FAM240A: variants seen among roughly 807,000 people sequenced by gnomAD.
FAM240A encodes family with sequence similarity 240 member A, also known as protein FAM240A.
In FAM240A, 8 loss-of-function variants were observed where a neutral mutation model predicts 7.3. That is an observed-to-expected ratio of 1.09 (90% CI 0.64 to 1.97). The LOEUF is 1.97. FAM240A is among the 30% of genes most tolerant of loss of function. The pLI, the probability that FAM240A is intolerant of heterozygous loss-of-function variation, is 0.00. For synonymous variants in FAM240A, 32 were observed against 35.9 expected (o/e 0.89, Z 0.38); for missense variants, 90 against 102.2 (o/e 0.88, Z 0.52).
At chr3:46,624,264 ATTTTTTTTTTTTTTTT>A (rs59290700) in intron 2 of FAM240A, among the ~76,000 whole-genome samples, 1 of 96,494 alleles carries the variant, frequency 1.0e-5, no homozygotes, top group African/African-American at 4.4e-5. Context: ...ACGGTGGGCT[ATTTTTTTTTTTTTTTT>A]TTTTTTTTTG....
At chr3:46,623,209 T>C (rs572728735) in intron 2 of FAM240A, among the ~76,000 whole-genome samples, 47 of 152,172 alleles carry the variant, frequency 3.1e-4, no homozygotes, top group Non-Finnish European at 4.1e-4. Context: ...TTCAAAATGT[T>C]TAGGGGACTT....
intron 2 of FAM240A, among the ~76,000 whole-genome samples, chr3:46,618,059 G>A (rs114054284): frequency 6.6e-6 from 1 of 152,166 alleles, no homozygotes; most frequent in African/African-American, 2.4e-5. Context: ...TCAGCCAGCT[G>A]TCTGACGAGG....
intron 2 of FAM240A, among the ~76,000 whole-genome samples, chr3:46,618,813 C>T (rs1314386990): frequency 6.6e-6 from 1 of 150,796 alleles, no homozygotes; most frequent in Admixed American, 6.6e-5. Context: ...GCACTCCAGC[C>T]TGGGTGACAA....
At chr3:46,615,546 C>T (rs887370142) in intron 1 of FAM240A, among the ~76,000 whole-genome samples, 1 of 152,172 alleles carries the variant, frequency 6.6e-6, no homozygotes, top group Admixed American at 6.5e-5. Context: ...CAGTCTCTGC[C>T]CCCAGAACAT....
intron 1 of FAM240A, among the ~76,000 whole-genome samples, chr3:46,613,009 C>A (rs918905582): frequency 7.9e-5 from 12 of 152,186 alleles, no homozygotes; most frequent in Non-Finnish European, 1.5e-4. Context: ...ATGGGCTAAA[C>A]CCTAATGACA....
chr3:46,616,275 G>A (rs1697628118), intron 1 of FAM240A, among the ~76,000 whole-genome samples: 1 of 152,240 alleles, frequency 6.6e-6, no homozygotes, highest in African/African-American at 2.4e-5. Context: ...CATGTCAACA[G>A]CAGGGTCAGG....
At chr3:46,624,486 G>T (rs1199282045) in intron 2 of FAM240A, among the ~76,000 whole-genome samples, 2 of 151,854 alleles carry the variant, frequency 1.3e-5, no homozygotes, top group Non-Finnish European at 2.9e-5. Context: ...TGGCCAGGCT[G>T]GTCTCGAACT....
chr3:46,624,939 T>TATAA (rs1051477416), intron 2 of FAM240A, among the ~76,000 whole-genome samples, 189 bp from the exon 3 acceptor site: 3 of 142,178 alleles, frequency 2.1e-5, no homozygotes, highest in African/African-American at 7.9e-5. Context: ...CTCTTACTTA[T>TATAA]ATAAATAAAT....
chr3:46,624,209 C>T (rs1251756702), intron 2 of FAM240A, among the ~76,000 whole-genome samples: 1 of 150,678 alleles, frequency 6.6e-6, no homozygotes, highest in Non-Finnish European at 1.5e-5. Flanking sequence ...TTTACTTCTA[C>T]ATATGCTATA....
intron 1 of FAM240A, 40 bp downstream of exon 1, chr3:46,612,738 T>G (rs1294342161): frequency 6.7e-7 from 1 of 1,483,726 alleles, no homozygotes. Context: ...GAAGTAAAAT[T>G]CCTAATGGTT....
chr3:46,618,034 C>G (rs1697650550), intron 2 of FAM240A, among the ~76,000 whole-genome samples: 2 of 152,186 alleles, frequency 1.3e-5, no homozygotes, highest in Admixed American at 1.3e-4. Context: ...GCTCTGTCCC[C>G]TCAAAAGGAA....
chr3:46,615,740 A>G (rs1265946183), intron 1 of FAM240A, among the ~76,000 whole-genome samples: 3 of 152,152 alleles, frequency 2.0e-5, no homozygotes, highest in African/African-American at 4.8e-5. Flanking sequence ...GCTTTCTACT[A>G]TATCCACTCA....
intron 2 of FAM240A, among the ~76,000 whole-genome samples, chr3:46,620,912 ATATTT>A (rs1697686687): frequency 6.6e-6 from 1 of 152,182 alleles, no homozygotes; most frequent in African/African-American, 2.4e-5. Flanking sequence ...AGGAGTTATT[ATATTT>A]AAGGACAAAA....
intron 2 of FAM240A, among the ~76,000 whole-genome samples, chr3:46,620,215 G>C (rs1195370781): frequency 6.6e-6 from 1 of 151,304 alleles, no homozygotes. Flanking sequence ...GGCTAAGTCT[G>C]CCTATTTCTT....
At chr3:46,615,274 G>A (rs1039337915) in intron 1 of FAM240A, among the ~76,000 whole-genome samples, 5 of 151,956 alleles carry the variant, frequency 3.3e-5, no homozygotes, top group Non-Finnish European at 7.4e-5. Flanking sequence ...CCTGGGGGTC[G>A]GCACCCAGAA....
intron 2 of FAM240A, 67 bp from the exon 3 acceptor site, chr3:46,625,061 A>G: frequency 8.3e-7 from 1 of 1,207,038 alleles, no homozygotes; most frequent in Non-Finnish European, 1.2e-6. Context: ...GGACAGGAAG[A>G]AAGCTCTCCT....
intron 2 of FAM240A, among the ~76,000 whole-genome samples, chr3:46,621,578 A>G (rs1434171351): frequency 2.6e-5 from 4 of 152,138 alleles, no homozygotes; most frequent in Non-Finnish European, 5.9e-5. Context: ...TGGGCAATAT[A>G]GCAAAACTCT....
intron 1 of FAM240A, among the ~76,000 whole-genome samples, chr3:46,613,527 A>ATAAATAAATAAC (rs71098423): frequency 6.6e-6 from 1 of 150,378 alleles, no homozygotes; most frequent in Non-Finnish European, 1.5e-5. Flanking sequence ...AAATAAATAA[A>ATAAATAAATAAC]AAACAAGACA....
intron 2 of FAM240A, among the ~76,000 whole-genome samples, chr3:46,618,879 A>G (rs1026081145): frequency 1.1e-4 from 9 of 82,522 alleles, no homozygotes; most frequent in African/African-American, 3.9e-4. Flanking sequence ...ATATATATAT[A>G]TATACACACA....
Sources: allele counts gnomAD v4.1 joint callset (sites outside exome capture counted in the v4.1 genomes callset), GRCh38; gene constraint gnomAD v4.1.1; transcripts MANE v1.5; gene names NCBI Gene and HGNC (gene_info 2026-07-23, HGNC 2026-07-21).